PSPC1: variants seen among roughly 807,000 people sequenced by gnomAD.
PSPC1 encodes paraspeckle component 1, also known as paraspeckle protein 1.
A neutral mutation model predicts 51.6 loss-of-function variants in PSPC1; 14 were observed. The ratio of observed to expected loss-of-function variants is 0.27; its 90% CI spans 0.18 to 0.42. PSPC1 has a LOEUF of 0.42. Ranked by LOEUF, PSPC1 falls within the 10% of genes least tolerant of loss-of-function variation. PSPC1 has a pLI of 1.00. For synonymous variants in PSPC1, 193 were observed against 231.9 expected (o/e 0.83, Z 1.53); for missense variants, 406 against 701.1 (o/e 0.58, Z 4.75).
chr13:19,721,135 G>A (rs1301847764), intron 6 of PSPC1, among the ~76,000 whole-genome samples: 1 of 152,132 alleles, frequency 6.6e-6, no homozygotes, highest in Non-Finnish European at 1.5e-5. Context: ...CTTAGATACT[G>A]ACTAGCCTAA....
chr13:19,754,500 G>T (rs529593492), intron 3 of PSPC1, among the ~76,000 whole-genome samples: 1 of 144,556 alleles, frequency 6.9e-6, no homozygotes, highest in Non-Finnish European at 1.5e-5. Context: ...ACCCAGGCTG[G>T]AGTGCAGTGG....
intron 6 of PSPC1, among the ~76,000 whole-genome samples, chr13:19,728,098 A>G (rs1489809414): frequency 1.3e-5 from 2 of 152,162 alleles, no homozygotes; most frequent in Non-Finnish European, 2.9e-5. Context: ...ATATATTCCC[A>G]TGTGTCATAA....
At chr13:19,779,017 C>A (rs1889548683) in intron 1 of PSPC1, among the ~76,000 whole-genome samples, 1 of 140,048 alleles carries the variant, frequency 7.1e-6, no homozygotes, top group Non-Finnish European at 1.6e-5. Flanking sequence ...GCGCCTCTGC[C>A]CCGCTGCCCC....
At position 19,721,177 on chromosome 13, in the gene PSPC1, C is replaced by A. The variant is rs554931710; in HGVS notation, c.1158+9062G>T. Among the ~76,000 whole-genome samples, 9 of 152,248 alleles carry A rather than the reference C, an allele frequency of 5.9e-5. No homozygotes were observed. The East Asian group carries it at 1.7e-3, about 29-fold the overall frequency. ...ATTTACCGTCACTATGTAGAACAAG[C>A]ACTGTAAGGTGGCTCCAAATACATT... On this transcript the variant is annotated intron_variant, in intron 6 of 8. Coordinates refer to ENST00000338910, the MANE Select transcript of PSPC1 (RefSeq NM_001354909.2).
chr13:19,695,094 A>G (rs774521810), intron 6 of PSPC1, among the ~76,000 whole-genome samples: 4 of 152,232 alleles, frequency 2.6e-5, no homozygotes, highest in Non-Finnish European at 5.9e-5. Context: ...TAACATGTGT[A>G]TCTATGCTGT....
chr13:19,682,946 T>A (rs994927551), intron 6 of PSPC1, among the ~76,000 whole-genome samples: 13 of 152,094 alleles, frequency 8.5e-5, no homozygotes, highest in African/African-American at 2.9e-4. Context: ...CACATGCCTG[T>A]ATTCCCAGCT....
downstream of PSPC1, among the ~76,000 whole-genome samples, chr13:19,701,643 A>G (rs888823546): frequency 1.3e-5 from 2 of 152,232 alleles, no homozygotes; most frequent in African/African-American, 4.8e-5. Context: ...GAATGCATCA[A>G]TTATGCTTTA....
At chr13:19,698,712 T>A (rs117643902), downstream of PSPC1, among the ~76,000 whole-genome samples, 692 of 152,050 alleles carry the variant, frequency 4.6e-3, 5 homozygotes, top group South Asian at 0.027. Flanking sequence ...AGAACAATTC[T>A]GACAAACTTC....
chr13:19,741,844 A>G (rs1347083471), intron 4 of PSPC1, among the ~76,000 whole-genome samples, 195 bp from the exon 5 acceptor site: 2 of 152,182 alleles, frequency 1.3e-5, no homozygotes, highest in African/African-American at 2.4e-5. Flanking sequence ...ATTCAAGTTC[A>G]TTCTTGGCCA....
chr13:19,778,361 CT>C lies in PSPC1; in HGVS notation c.372+4024del, dbSNP rs1222978190. On this transcript the variant is annotated intron_variant, in intron 1 of 8. Transcript: ENST00000338910. ...TTTCTCTACATATTAAGACCTCTCCCTCTCCCCCTCCCCCTCCCCCTCCCCC... is the reference window on the plus strand; with the variant it reads ...TTTCTCTACATATTAAGACCTCTCCCCTCCCCCTCCCCCTCCCCCTCCCCC... 5.2e-3 allele frequency among the ~76,000 whole-genome samples: 263 copies of C among 50,302 alleles called. 2 individuals are homozygous for C. The highest frequency in any genetic ancestry group is 0.012 in the South Asian group (7 of 594). The allele number at this position is 50,302 out of a possible 152,430, so 33.0% of individuals were successfully genotyped here. A position where few individuals can be genotyped will look rare whatever the true frequency, so the allele number is the denominator to read the frequency against.
At chr13:19,732,163 T>G (rs966398666) in intron 5 of PSPC1, among the ~76,000 whole-genome samples, 5 of 152,158 alleles carry the variant, frequency 3.3e-5, no homozygotes, top group African/African-American at 1.2e-4. Context: ...TCCTAAGGGA[T>G]TTCACGCAAA....
chr13:19,693,276 G>A lies in PSPC1; in HGVS notation c.1159-15453C>T, dbSNP rs146018343. 1.3e-3 allele frequency among the ~76,000 whole-genome samples: 191 copies of A among 152,240 alleles called. 2 individuals carry two copies. The highest frequency in any genetic ancestry group is 8.0e-3 in the Admixed American group (122 of 15,296). Reference sequence around the variant, plus strand: ...TCTTAGTGAAATCTTCCCAGTCTCCGCAAAGTAAATGAACTATTTGCGTCT... The same window carrying A: ...TCTTAGTGAAATCTTCCCAGTCTCCACAAAGTAAATGAACTATTTGCGTCT... On this transcript the variant is annotated intron_variant and NMD_transcript_variant, in intron 6 of 7. Transcript: ENST00000471658.
chr13:19,696,085 A>G (rs1460512068), intron 6 of PSPC1, among the ~76,000 whole-genome samples: 1 of 152,256 alleles, frequency 6.6e-6, no homozygotes, highest in South Asian at 2.1e-4. Flanking sequence ...ATGTTAAAAG[A>G]TAACACTGAT....
chr13:19,760,222 C>G (rs1422305213), intron 2 of PSPC1, among the ~76,000 whole-genome samples: 1 of 152,088 alleles, frequency 6.6e-6, no homozygotes, highest in Non-Finnish European at 1.5e-5. Context: ...CAGTATTGTT[C>G]AGAAAGTTCT....
intron 6 of PSPC1, among the ~76,000 whole-genome samples, chr13:19,697,406 T>TAGAAA (rs1242419533): frequency 6.6e-6 from 1 of 152,178 alleles, no homozygotes; most frequent in Non-Finnish European, 1.5e-5. Flanking sequence ...TCTTAAGCCC[T>TAGAAA]AGAAAACTAA....
intron 6 of PSPC1, among the ~76,000 whole-genome samples, chr13:19,725,418 C>T (rs534136352): frequency 1.4e-4 from 21 of 152,136 alleles, no homozygotes; most frequent in Non-Finnish European, 2.1e-4. Context: ...TCTTCACAAG[C>T]TCTACGAGTT....
At position 19,730,395 on chromosome 13, in the gene PSPC1, T is replaced by C. The variant is rs147395348; in HGVS notation, c.1053-51A>G. 7.0e-3 allele frequency: 10,384 copies of C among 1,486,924 alleles called. 46 individuals are homozygous for C. The highest frequency in any genetic ancestry group is 8.6e-3 in the Non-Finnish European group (9,164 of 1,066,916). The allele number at this position is 1,486,924 out of a possible 1,614,324, so 92.1% of individuals were successfully genotyped here. Reference sequence around the variant, plus strand: ...CAGCATCATAACATGTGGGCTGCCATTGGACATTTTACTTCATGTAAAATG... The same window carrying C: ...CAGCATCATAACATGTGGGCTGCCACTGGACATTTTACTTCATGTAAAATG... On this transcript the variant is annotated intron_variant, in intron 5 of 8. Coordinates refer to ENST00000338910, the MANE Select transcript of PSPC1 (RefSeq NM_001354909.2).
chr13:19,671,912 C>G (rs766090704), downstream of PSPC1: 4 of 1,600,178 alleles, frequency 2.5e-6, no homozygotes, highest in Admixed American at 3.3e-5. Flanking sequence ...CTCTTCAGAC[C>G]GATTCCTATA....
At chr13:19,712,412 T>C (rs991313870) in intron 6 of PSPC1, among the ~76,000 whole-genome samples, 4 of 152,190 alleles carry the variant, frequency 2.6e-5, no homozygotes, top group African/African-American at 9.6e-5. Flanking sequence ...TATTGTCTCT[T>C]TGTATTTTCA....
Sources: allele counts gnomAD v4.1 joint callset (sites outside exome capture counted in the v4.1 genomes callset), GRCh38; gene constraint gnomAD v4.1.1; transcripts MANE v1.5; gene names NCBI Gene and HGNC (gene_info 2026-07-23, HGNC 2026-07-21).